NFIA: variants seen among roughly 807,000 people sequenced by gnomAD.
The protein encoded by NFIA is nuclear factor 1 A-type.
NFIA carries 8 observed loss-of-function variants against 62.8 expected under a neutral mutation model. That is an observed-to-expected ratio of 0.13 (90% CI 0.07 to 0.23). The LOEUF is 0.23. Among genes scored for constraint, NFIA ranks in the 10% least tolerant of loss-of-function variants. The pLI is 1.00. For missense variants in NFIA, 410 were observed against 642.1 expected (o/e 0.64, Z 3.91); for synonymous variants, 235 against 238.1 (o/e 0.99, Z 0.12).
Position 61,115,186 on chromosome 1 carries a change from G to A in NFIA, c.559+26506G>A, listed in dbSNP as rs558972793. On this transcript the variant is annotated intron_variant, in intron 2 of 10. Transcript: ENST00000403491. ...AGCAGAGACGGGGTTTCACCATGTT[G>A]GCCAGGCTGATCTTGAATTCCTGAC... 3.3e-5 allele frequency among the ~76,000 whole-genome samples: 5 copies of A among 152,220 alleles called. No homozygotes were observed. The East Asian group carries it at 9.7e-4, about 29-fold the overall frequency.
rs1158727012 is a variant in NFIA at position 61,456,681 on chromosome 1, AATAATAATAATG to A, written c.*1364_*1375del. The A allele has an allele frequency of 1.4e-5, 2 of 147,176 alleles. No homozygotes were observed. Among genetic ancestry groups the A allele is most frequent in the African/African-American group, 5.1e-5 (2 of 39,390 alleles). The allele number at this position is 147,176 out of a possible 1,614,324, so 9.1% of individuals were successfully genotyped here. ...GGGAAATAATAATAGTAATAATAAT[AATAATAATAATG>A]ATGAAACCAATACTGACACAAATGC... On this transcript the variant is annotated 3_prime_UTR_variant, in exon 11 of 11. Transcript: ENST00000403491.
chr1:61,107,520 G>T (rs115106327), intron 2 of NFIA, among the ~76,000 whole-genome samples: 1 of 151,054 alleles, frequency 6.6e-6, no homozygotes, highest in Admixed American at 6.6e-5. Flanking sequence ...CTATTTTATT[G>T]CTTATTGTTT....
intron 9 of NFIA, among the ~76,000 whole-genome samples, chr1:61,423,217 T>G (rs1013546194): frequency 3.3e-5 from 5 of 150,758 alleles, no homozygotes; most frequent in African/African-American, 9.7e-5. Context: ...CATAGCGCTA[T>G]TGCTAATATA....
chr1:61,140,973 T>G (rs987813713), intron 2 of NFIA, among the ~76,000 whole-genome samples: 2 of 148,070 alleles, frequency 1.4e-5, no homozygotes, highest in South Asian at 2.2e-4. Flanking sequence ...GGGTTTTTTT[T>G]TTTTTTTTTT....
intron 1 of NFIA, among the ~76,000 whole-genome samples, chr1:61,085,566 T>A (rs1646204171): frequency 6.6e-6 from 1 of 152,082 alleles, no homozygotes; most frequent in Non-Finnish European, 1.5e-5. Context: ...AAGGGCACAC[T>A]ACTTTTTTTT....
At chr1:61,444,456 C>T (rs539017245) in intron 10 of NFIA, among the ~76,000 whole-genome samples, 2 of 152,298 alleles carry the variant, frequency 1.3e-5, no homozygotes, top group African/African-American at 4.8e-5. Context: ...TGGAAACTAA[C>T]ATACAGAGGC....
intron 2 of NFIA, among the ~76,000 whole-genome samples, chr1:61,104,933 C>T (rs796472636): frequency 6.6e-6 from 1 of 151,788 alleles, no homozygotes; most frequent in South Asian, 2.1e-4. Context: ...AAAAATATTG[C>T]AGTGGGGAAT....
At chr1:61,099,988 A>G (rs1646480411) in intron 2 of NFIA, among the ~76,000 whole-genome samples, 1 of 152,168 alleles carries the variant, frequency 6.6e-6, no homozygotes, top group African/African-American at 2.4e-5. Flanking sequence ...GCCTGTTTTT[A>G]TCTCTAAGAT....
intron 10 of NFIA, among the ~76,000 whole-genome samples, chr1:61,434,999 A>T (rs575082028): frequency 4.6e-5 from 7 of 152,322 alleles, no homozygotes; most frequent in African/African-American, 1.4e-4. Flanking sequence ...GAACTAGATC[A>T]AAAGTTGATG....
At chr1:61,248,831 A>G (rs1446780821) in intron 2 of NFIA, 4 of 152,152 alleles carry the variant, frequency 2.6e-5, no homozygotes, top group Non-Finnish European at 4.4e-5. Context: ...ATGCACAACC[A>G]CTTCTGAATG....
At chr1:61,137,501 C>T (rs1647219663) in intron 2 of NFIA, among the ~76,000 whole-genome samples, 1 of 152,184 alleles carries the variant, frequency 6.6e-6, no homozygotes, top group African/African-American at 2.4e-5. Flanking sequence ...TGTAATCTCT[C>T]TCCCTTCTGG....
intron 2 of NFIA, among the ~76,000 whole-genome samples, chr1:61,119,993 A>G (rs977943778): frequency 1.1e-4 from 16 of 152,340 alleles, no homozygotes; most frequent in African/African-American, 3.8e-4. Context: ...CATGTAGGTT[A>G]TGCCCACATC....
At chr1:61,345,053 A>G (rs1433499766) in intron 4 of NFIA, among the ~76,000 whole-genome samples, 1 of 152,212 alleles carries the variant, frequency 6.6e-6, no homozygotes, top group East Asian at 1.9e-4. Flanking sequence ...CCATTTATTA[A>G]GAAATGACAC....
intron 10 of NFIA, among the ~76,000 whole-genome samples, chr1:61,449,402 TTAGA>T (rs1667964909): frequency 6.6e-6 from 1 of 152,236 alleles, no homozygotes; most frequent in African/African-American, 2.4e-5. Context: ...CTGGCATCCC[TTAGA>T]TAGCCAGCTT....
At chr1:61,286,482 T>C (rs1658510601) in intron 3 of NFIA, among the ~76,000 whole-genome samples, 2 of 151,242 alleles carry the variant, frequency 1.3e-5, no homozygotes, top group African/African-American at 4.9e-5. Context: ...GTATTGGATG[T>C]GTTAAGGGAA....
chr1:61,322,880 T>C (rs977409283), intron 3 of NFIA, among the ~76,000 whole-genome samples: 2 of 152,228 alleles, frequency 1.3e-5, no homozygotes, highest in Non-Finnish European at 2.9e-5. Context: ...AGGATTGTGG[T>C]TGCCATGTAA....
intron 2 of NFIA, among the ~76,000 whole-genome samples, chr1:61,194,012 A>G (rs762464659): frequency 1.1e-4 from 17 of 152,208 alleles, no homozygotes; most frequent in Non-Finnish European, 1.6e-4. Flanking sequence ...AAGTGCTTGT[A>G]CAGAGAGGAA....
intron 3 of NFIA, among the ~76,000 whole-genome samples, chr1:61,322,069 T>C (rs1005268910): frequency 2.6e-5 from 4 of 152,206 alleles, no homozygotes; most frequent in Non-Finnish European, 5.9e-5. Context: ...GTGGTAAATA[T>C]ACCTGTGTTC....
intron 10 of NFIA, among the ~76,000 whole-genome samples, chr1:61,446,404 A>G (rs886163874): frequency 3.9e-5 from 6 of 152,074 alleles, no homozygotes; most frequent in African/African-American, 1.4e-4. Flanking sequence ...GGGAGAGAGT[A>G]GGGGTCTGTC....
Sources: allele counts gnomAD v4.1 joint callset (sites outside exome capture counted in the v4.1 genomes callset), GRCh38; gene constraint gnomAD v4.1.1; transcripts MANE v1.5; gene names NCBI Gene and HGNC (gene_info 2026-07-23, HGNC 2026-07-21).